The following NBEAL1 variants were observed in gnomAD, a reference collection of about 807,000 sequenced individuals.
NBEAL1 encodes neurobeachin-like protein 1.
Under a neutral mutation model 351.3 loss-of-function variants are expected in NBEAL1, and 273 were observed. The ratio of observed to expected loss-of-function variants is 0.78; its 90% CI spans 0.70 to 0.86. The LOEUF (loss-of-function observed/expected upper bound fraction) is 0.86. NBEAL1 is among the 40% of genes least tolerant of loss of function. The probability of loss-of-function intolerance (pLI) is 0.00; values close to 1 mark genes in which losing one functional copy is unlikely to be tolerated. For synonymous variants in NBEAL1, 1,050 were observed against 1,086.4 expected (o/e 0.97, Z 0.66); for missense variants, 2,961 against 3,201.3 (o/e 0.92, Z 1.81).
At position 203,084,568 on chromosome 2, in the gene NBEAL1, A is replaced by G; in HGVS notation, c.1097A>G (p.Lys366Arg). Residue 366 changes from lysine to arginine, a missense_variant and splice_region_variant, in exon 10 of 56, where the codon AAG (lysine) becomes AGG (arginine). Lys to Arg is a conservative substitution (Grantham distance 26, BLOSUM62 2). Coordinates refer to ENST00000683969, the MANE Select transcript of NBEAL1 (RefSeq NM_001378026.1). ...EHLIRLLQNC[K>R]LFLNANNKVA... ...CTCATACGACTGCTACAGAACTGCA[A>G]GGTATTTTTCTATTATTGTTGTTGT... The G allele has an allele frequency of 6.7e-7, 1 of 1,481,606 alleles. No individual in the cohort carries two copies. Among genetic ancestry groups the G allele is most frequent in the Non-Finnish European group, 9.0e-7 (1 of 1,110,456 alleles). 91.8% of individuals were successfully genotyped at this position (1,481,606 alleles called of 1,614,324 possible).
At position 203,148,576 on chromosome 2, in the gene NBEAL1, G is replaced by C. The variant is rs182405143; in HGVS notation, c.5305-415G>C. ...CATTAATTTCACAGATTAAAATTAT[G>C]TCTTTGTAGTATACAATTTCTACTT... On this transcript the variant is annotated intron_variant, in intron 33 of 55. Transcript: ENST00000683969. Among the ~76,000 whole-genome samples the C allele has an allele frequency of 2.8e-3, 433 of 152,136 alleles. 2 individuals carry two copies. Among genetic ancestry groups the C allele is most frequent in the Non-Finnish European group, 3.6e-3 (245 of 67,910 alleles).
intron 9 of NBEAL1, among the ~76,000 whole-genome samples, chr2:203,083,976 CTG>C (rs59252809): frequency 0.4 from 52,987 of 133,844 alleles, 10,505 homozygotes; most frequent in Middle Eastern, 0.53. Context: ...TCCTCAGAGC[CTG>C]TGTGTGTGTG....
intron 2 of NBEAL1, among the ~76,000 whole-genome samples, chr2:203,017,383 A>G (rs922041790): frequency 3.3e-5 from 5 of 152,198 alleles, no homozygotes; most frequent in African/African-American, 1.2e-4. Flanking sequence ...TTTAGAGATT[A>G]CACTGGAATT....
chr2:203,076,500 A>C (rs1157127693), intron 7 of NBEAL1, among the ~76,000 whole-genome samples: 2 of 151,578 alleles, frequency 1.3e-5, no homozygotes, highest in African/African-American at 4.8e-5. Context: ...CAAACAAAAA[A>C]AAAAGTAGAA....
chr2:203,097,721 TA>T, intron 11 of NBEAL1, 88 bp downstream of exon 11: 1 of 298,420 alleles, frequency 3.4e-6, no homozygotes. Context: ...TCTTATGTCC[TA>T]AAATACACAA....
Position 203,122,237 on chromosome 2 carries a change from T to A in NBEAL1, c.2593-17T>A. 2 of 1,437,022 alleles carry A rather than the reference T, an allele frequency of 1.4e-6. No homozygotes were observed. Among genetic ancestry groups the A allele is most frequent in the African/African-American group, 2.9e-5 (2 of 69,162 alleles). The allele number at this position is 1,437,022 out of a possible 1,614,324, so 89.0% of individuals were successfully genotyped here. The stretch of plus-strand genomic sequence containing the variant: ...TGTTCTAATTGGTTGTTTGCCATAT[T>A]TTTCTTTTATTCTTAGGCCTGCAAA... On this transcript the variant is annotated splice_polypyrimidine_tract_variant and intron_variant, in intron 18 of 55. Coordinates refer to ENST00000683969, the MANE Select transcript of NBEAL1 (RefSeq NM_001378026.1).
At chr2:203,028,106 T>A (rs1051794395) in intron 2 of NBEAL1, among the ~76,000 whole-genome samples, 8 of 151,988 alleles carry the variant, frequency 5.3e-5, no homozygotes, top group Non-Finnish European at 1.2e-4. Flanking sequence ...AAGGTCTTGA[T>A]CTCTTGACCT....
At chr2:203,024,095 GC>G (rs1289443686) in intron 2 of NBEAL1, among the ~76,000 whole-genome samples, 1 of 151,180 alleles carries the variant, frequency 6.6e-6, no homozygotes, top group Non-Finnish European at 1.5e-5. Context: ...CTTTGGGAGG[GC>G]AGGGTGGGAG....
intron 10 of NBEAL1, among the ~76,000 whole-genome samples, chr2:203,096,767 A>G (rs1040772470): frequency 2.6e-5 from 4 of 152,224 alleles, no homozygotes; most frequent in Non-Finnish European, 4.4e-5. Context: ...TTGTCAAAGT[A>G]TCCATTAGCA....
intron 31 of NBEAL1, among the ~76,000 whole-genome samples, chr2:203,143,980 G>A (rs769463824): frequency 6.6e-6 from 1 of 152,010 alleles, no homozygotes; most frequent in Non-Finnish European, 1.5e-5. Context: ...GGGAGGCCAA[G>A]GCAGGTGGAT....
intron 2 of NBEAL1, among the ~76,000 whole-genome samples, chr2:203,024,199 CAAAAAAAA>C (rs1344807011): frequency 3.2e-3 from 279 of 88,116 alleles, no homozygotes; most frequent in African/African-American, 0.012. Flanking sequence ...CTTTCTCACA[CAAAAAAAA>C]AAAAAGAAAA....
chr2:203,038,844 A>T (rs181577269), intron 2 of NBEAL1, among the ~76,000 whole-genome samples: 1 of 147,730 alleles, frequency 6.8e-6, no homozygotes, highest in East Asian at 1.9e-4. Flanking sequence ...CACCAAGCTA[A>T]TTTTTTTCTA....
chr2:203,116,434 A>T (rs2062699182), intron 18 of NBEAL1, among the ~76,000 whole-genome samples: 1 of 152,106 alleles, frequency 6.6e-6, no homozygotes, highest in African/African-American at 2.4e-5. Context: ...TGTAGCCAAA[A>T]ATTTTAAAAA....
chr2:203,113,279 C>T lies in NBEAL1; in HGVS notation c.2467C>T (p.Pro823Ser). The T allele has an allele frequency of 6.8e-7, 1 of 1,462,232 alleles. No homozygotes were observed. The highest frequency in any genetic ancestry group is 9.1e-7 in the Non-Finnish European group (1 of 1,104,564). The allele number at this position is 1,462,232 out of a possible 1,614,324, so 90.6% of individuals were successfully genotyped here. Residue 823 changes from proline (P) to serine (S), a missense_variant, in exon 17 of 56, where the codon CCA (proline) becomes TCA (serine). Physicochemically the swap from Pro to Ser is moderately conservative, Grantham distance 74. Coordinates refer to ENST00000683969, the MANE Select transcript of NBEAL1 (RefSeq NM_001378026.1). ...QLGSVIIFYE[P>S]LQPPQVKALY... ...AGGATCTGTTATCATCTTTTATGAA[C>T]CACTACAACCTCCTCAGGTGAAGGC...
chr2:203,035,891 T>C (rs546642932), intron 2 of NBEAL1, among the ~76,000 whole-genome samples: 1 of 149,478 alleles, frequency 6.7e-6, no homozygotes, highest in East Asian at 1.9e-4. Flanking sequence ...TTGATACTTA[T>C]TGAGCATATA....
At chr2:203,041,205 G>A (rs557380755) in intron 2 of NBEAL1, among the ~76,000 whole-genome samples, 30 of 152,182 alleles carry the variant, frequency 2.0e-4, no homozygotes, top group Non-Finnish European at 3.2e-4. Flanking sequence ...AGTAACTCAA[G>A]CATTTGTACA....
intron 6 of NBEAL1, chr2:203,061,944 T>G (rs1182062737): frequency 7.2e-6 from 2 of 277,272 alleles, no homozygotes; most frequent in Non-Finnish European, 1.4e-5. Context: ...TTCAAACACC[T>G]GTGAGAGAAT....
At chr2:203,207,398 C>G (rs1312526365) in intron 51 of NBEAL1, among the ~76,000 whole-genome samples, 7 of 152,190 alleles carry the variant, frequency 4.6e-5, no homozygotes, top group Non-Finnish European at 1.0e-4. Flanking sequence ...GCCACCACCC[C>G]GTCTGGGAGG....
At chr2:203,105,931 CTTTA>C (rs887914471) in intron 12 of NBEAL1, among the ~76,000 whole-genome samples, 20 of 152,184 alleles carry the variant, frequency 1.3e-4, no homozygotes, top group African/African-American at 4.6e-4. Context: ...AATAATGACC[CTTTA>C]TTTAGTCAGT....
Sources: gnomAD v4.1 joint callset for allele counts (sites outside exome capture counted in the v4.1 genomes callset) on GRCh38, gnomAD v4.1.1 for gene constraint, MANE v1.5 for transcripts, NCBI Gene and HGNC (gene_info 2026-07-23, HGNC 2026-07-21) for gene names.